Variants in HIBCH observed in about 807,000 individuals in gnomAD.
HIBCH encodes 3-hydroxyisobutyryl-CoA hydrolase, mitochondrial.
Under a neutral mutation model 58.2 loss-of-function variants are expected in HIBCH, and 50 were observed. The observed-to-expected ratio is 0.86, with a 90% CI of 0.68 to 1.09. HIBCH has a LOEUF of 1.09. Among genes scored for constraint, HIBCH ranks in the 50% least tolerant of loss-of-function variants. The pLI, the probability that HIBCH is intolerant of heterozygous loss-of-function variation, is 0.00. For missense variants in HIBCH, 450 were observed against 449.7 expected, an observed-to-expected ratio of 1.00 and a Z score of -0.01; for synonymous variants, 151 against 146.9, an observed-to-expected ratio of 1.03 and a Z score of -0.20.
At chr2:190,276,050 T>C (rs1470898254) in intron 6 of HIBCH, among the ~76,000 whole-genome samples, 4 of 152,210 alleles carry the variant, frequency 2.6e-5, no homozygotes, top group African/African-American at 9.6e-5. Flanking sequence ...GCTTTACCAG[T>C]ATGATCCTGA....
At position 190,306,640 on chromosome 2, in the gene HIBCH, T is replaced by G. The variant is rs1688414883; in HGVS notation, c.78+4114A>C. 6.6e-6 allele frequency among the ~76,000 whole-genome samples: 1 copy of G among 152,136 alleles called. No homozygotes were observed. On this transcript the variant is annotated intron_variant, in intron 2 of 13. Transcript: ENST00000359678. The surrounding 1 kb of genome is among the most constrained non-coding windows in gnomAD (Gnocchi z 4.6). The stretch of plus-strand genomic sequence containing the variant: ...CTGTGCCACTCATAAAAAATTCTAT[T>G]TTTTCTAATCCAAGAGTGTCACGTC...
intron 9 of HIBCH, 63 bp downstream of exon 9, chr2:190,249,577 G>GT: frequency 3.2e-6 from 3 of 924,136 alleles, no homozygotes; most frequent in Non-Finnish European, 5.3e-6. Flanking sequence ...CCAACTGCCA[G>GT]TTTTTTAATC....
chr2:190,286,627 T>C (rs1687833430), intron 6 of HIBCH, among the ~76,000 whole-genome samples: 1 of 152,220 alleles, frequency 6.6e-6, no homozygotes, highest in African/African-American at 2.4e-5. Context: ...TCTTTGTCAG[T>C]ACCATACAAT....
intron 4 of HIBCH, among the ~76,000 whole-genome samples, chr2:190,291,810 T>C (rs549400112): frequency 6.6e-6 from 1 of 152,328 alleles, no homozygotes; most frequent in East Asian, 1.9e-4. Flanking sequence ...GCTATCAAAG[T>C]TTCCTCTTCT....
chr2:190,218,032 T>A (rs1330032126), intron 11 of HIBCH, among the ~76,000 whole-genome samples: 1 of 151,252 alleles, frequency 6.6e-6, no homozygotes, highest in Non-Finnish European at 1.5e-5. Flanking sequence ...GTACTAGGGG[T>A]GGAAAGTAGG....
rs1690488653 is a variant in HIBCH at position 190,210,344 on chromosome 2, CCTCA to C, written c.1012-1435_1012-1432del. On this transcript the variant is annotated intron_variant, in intron 12 of 13. Transcript: ENST00000359678. This position sits in a 1 kb window ranked among gnomAD's most constrained non-coding sequence, Gnocchi z 5.5. The stretch of plus-strand genomic sequence containing the variant: ...ATTACACCCTCCTCCCCGAAACATT[CCTCA>C]CTTTCTTTTGTGACACTACACTCTC... Among the ~76,000 whole-genome samples, 3 of 152,176 alleles carry C rather than the reference CCTCA, an allele frequency of 2.0e-5. No individual in the cohort carries two copies. The highest frequency in any genetic ancestry group is 2.9e-5 in the Non-Finnish European group (2 of 68,030).
At chr2:190,246,589 G>A (rs988217830) in intron 9 of HIBCH, among the ~76,000 whole-genome samples, 10 of 152,218 alleles carry the variant, frequency 6.6e-5, no homozygotes, top group African/African-American at 2.4e-4. Context: ...TATGCCTGCA[G>A]CTGTGACCTT....
At chr2:190,272,387 T>C (rs896072424) in intron 6 of HIBCH, among the ~76,000 whole-genome samples, 1 of 152,204 alleles carries the variant, frequency 6.6e-6, no homozygotes, top group Non-Finnish European at 1.5e-5. Context: ...CACATATCCA[T>C]ATATCCTTAG....
intron 2 of HIBCH, among the ~76,000 whole-genome samples, chr2:190,298,411 CTGT>C (rs1688168540): frequency 6.6e-6 from 1 of 152,176 alleles, no homozygotes; most frequent in East Asian, 1.9e-4. Context: ...TCACCAGCAT[CTGT>C]TGTTGCCTGA....
downstream of HIBCH, chr2:190,200,544 T>C (rs114374407): frequency 5.5e-3 from 997 of 182,416 alleles, 20 homozygotes; most frequent in African/African-American, 0.023. Flanking sequence ...AGTCCAGATA[T>C]GAAAAGGGCT....
intron 6 of HIBCH, among the ~76,000 whole-genome samples, chr2:190,272,281 A>C (rs765490771): frequency 6.6e-6 from 1 of 152,206 alleles, no homozygotes; most frequent in Non-Finnish European, 1.5e-5. Flanking sequence ...TGGCACATCT[A>C]GACATCCAAT....
rs1337425595 is a variant in HIBCH, at chr2:190,205,133, C to G, written c.1145G>C (p.Ser382Thr). The G allele has an allele frequency of 3.1e-6, 5 of 1,600,324 alleles. No individual in the cohort carries two copies. Among genetic ancestry groups the G allele is most frequent in the Non-Finnish European group, 4.3e-6 (5 of 1,169,266 alleles). ...LNNHFKSLGS[S>T]DLKF is the part of the protein sequence containing the mutation. ...CCTGTCACCTCAAAATTTCAAATCA[C>G]TGCTTCCCAAAGACTTAAAGTGATT... Residue 382 changes from serine (S) to threonine (T), a missense_variant, in exon 14 of 14, where the codon AGT becomes ACT. By Grantham distance (58) the Ser-to-Thr change is moderately conservative. Coordinates refer to ENST00000359678, the MANE Select transcript of HIBCH (RefSeq NM_014362.4).
In HIBCH at chr2:190,197,208, C is replaced by T. The variant is rs1476406048; in HGVS notation, c.*18-7211G>A. On this transcript the variant is annotated intron_variant, in intron 1 of 1. Transcript: ENST00000399855. The surrounding 1 kb of genome is among the most constrained non-coding windows in gnomAD (Gnocchi z 4.0). ...AGCCACAAACATCCTAGCTCACAAG[C>T]CTAAGTCATAGCCCTTTAAGAAAAC... 6.6e-6 allele frequency among the ~76,000 whole-genome samples: 1 copy of T among 152,166 alleles called. No homozygotes were observed. Among genetic ancestry groups the T allele is most frequent in the Non-Finnish European group, 1.5e-5 (1 of 68,022 alleles).
At position 190,304,762 on chromosome 2, in the gene HIBCH, T is replaced by C. The variant is rs1275213330; in HGVS notation, c.78+5992A>G. On this transcript the variant is annotated intron_variant, in intron 2 of 13. Transcript: ENST00000359678. This position sits in a 1 kb window ranked among gnomAD's most constrained non-coding sequence, Gnocchi z 4.1. ...CCAGCAGTTTTATTTTAACCAACATTTGTTTTGATTTCCAAGTTTTATGAT... is the reference window on the plus strand; with the variant it reads ...CCAGCAGTTTTATTTTAACCAACATCTGTTTTGATTTCCAAGTTTTATGAT... Among the ~76,000 whole-genome samples the C allele has an allele frequency of 6.6e-6, 1 of 152,156 alleles. No individual in the cohort carries two copies. The highest frequency in any genetic ancestry group is 1.9e-4 in the East Asian group (1 of 5,196).
At chr2:190,193,078 C>G (rs1256416223) in intron 1 of HIBCH, among the ~76,000 whole-genome samples, 2 of 152,024 alleles carry the variant, frequency 1.3e-5, no homozygotes, top group Non-Finnish European at 2.9e-5. Context: ...CTGCCTTGCT[C>G]CTGTCATAGG....
At chr2:190,192,490 GTATCTATA>G (rs1282910018) in intron 1 of HIBCH, among the ~76,000 whole-genome samples, 2 of 144,302 alleles carry the variant, frequency 1.4e-5, no homozygotes, top group African/African-American at 2.6e-5. Context: ...GTGTGTGTGT[GTATCTATA>G]TATCTATATA....
At chr2:190,225,152 C>T (rs184952365) in intron 11 of HIBCH, among the ~76,000 whole-genome samples, 1,907 of 152,052 alleles carry the variant, frequency 0.013, 25 homozygotes, top group Non-Finnish European at 0.019. Context: ...AACTAAATGC[C>T]CACAAGAGAA....
intron 6 of HIBCH, among the ~76,000 whole-genome samples, chr2:190,274,296 C>T (rs954219651): frequency 6.6e-6 from 1 of 152,178 alleles, no homozygotes; most frequent in East Asian, 1.9e-4. Context: ...ATAATTCAAT[C>T]TTTGAGCACT....
Position 190,244,142 on chromosome 2 carries a change from T to TACACAC in HIBCH, c.891+744_891+745insGTGTGT, listed in dbSNP as rs374861129. ...TGATGTGGAGCCTAATATATATATA[T>TACACAC]ATATACACACACACACACATATATA... On this transcript the variant is annotated intron_variant, in intron 11 of 13. Transcript: ENST00000359678. Among the ~76,000 whole-genome samples the TACACAC allele has an allele frequency of 5.4e-3, 817 of 151,804 alleles. 7 individuals are homozygous for TACACAC. The highest frequency in any genetic ancestry group is 0.019 in the African/African-American group (774 of 41,290).
Sources: allele counts gnomAD v4.1 joint callset (sites outside exome capture counted in the v4.1 genomes callset), GRCh38; gene constraint gnomAD v4.1.1; non-coding constraint Gnocchi (gnomAD v3.1); transcripts MANE v1.5; gene names NCBI Gene and HGNC (gene_info 2026-07-23, HGNC 2026-07-21).